DAB1: variants seen among roughly 807,000 people sequenced by gnomAD.
DAB1 encodes the protein DAB adaptor protein 1.
In DAB1, 15 loss-of-function variants were observed where a neutral mutation model predicts 64.6. That is an observed-to-expected ratio of 0.23 (90% CI 0.16 to 0.36). The LOEUF (loss-of-function observed/expected upper bound fraction) is 0.36, where lower values mean the gene tolerates loss of function less well. DAB1 is among the 10% of genes least tolerant of loss of function. The pLI, the probability that DAB1 is intolerant of heterozygous loss-of-function variation, is 1.00. For synonymous variants in DAB1, 235 were observed against 251.9 expected (o/e 0.93, Z 0.64); for missense variants, 596 against 706.7 (o/e 0.84, Z 1.78).
At chr1:57,105,274 T>G (rs1384997069) in intron 4 of DAB1, among the ~76,000 whole-genome samples, 2 of 151,726 alleles carry the variant, frequency 1.3e-5, no homozygotes, top group Non-Finnish European at 2.9e-5. Flanking sequence ...GGTGGGGTGG[T>G]GTGAATTAAT....
chr1:57,805,870 C>T (rs183190199), intron 6 of DAB1, among the ~76,000 whole-genome samples: 142 of 152,292 alleles, frequency 9.3e-4, no homozygotes, highest in Admixed American at 3.1e-3. Context: ...TTCTCACCAA[C>T]TCTGCTGTTG....
chr1:58,088,876 C>A (rs1421997312), intron 5 of DAB1, among the ~76,000 whole-genome samples: 3 of 152,084 alleles, frequency 2.0e-5, no homozygotes, highest in African/African-American at 7.2e-5. Context: ...GCCGCAGCAG[C>A]ACATGGGAGG....
intron 7 of DAB1, among the ~76,000 whole-genome samples, chr1:57,618,491 T>C (rs1477832361): frequency 6.7e-6 from 1 of 150,318 alleles, no homozygotes; most frequent in Non-Finnish European, 1.5e-5. Context: ...TGTCAGTAAG[T>C]GAGAAATAGG....
At chr1:58,024,606 A>G (rs79358321) in intron 5 of DAB1, among the ~76,000 whole-genome samples, 1,705 of 152,336 alleles carry the variant, frequency 0.011, 30 homozygotes, top group African/African-American at 0.039. Context: ...TTATGCTGTT[A>G]TAATGAAGTC....
intron 3 of DAB1, among the ~76,000 whole-genome samples, chr1:58,403,996 C>T (rs1644594721): frequency 6.6e-6 from 1 of 152,146 alleles, no homozygotes; most frequent in South Asian, 2.1e-4. Flanking sequence ...GGAGAAGATT[C>T]CAAGGAACAT....
chr1:57,516,639 T>C (rs1047241579), intron 7 of DAB1, among the ~76,000 whole-genome samples: 1 of 152,226 alleles, frequency 6.6e-6, no homozygotes, highest in Non-Finnish European at 1.5e-5. Context: ...AAGTTCATCA[T>C]AATTTTCCAA....
At chr1:58,236,953 C>T (rs1163489827) in intron 4 of DAB1, among the ~76,000 whole-genome samples, 2 of 152,186 alleles carry the variant, frequency 1.3e-5, no homozygotes, top group Non-Finnish European at 2.9e-5. Context: ...CAAGATCATA[C>T]ATCAAATTGG....
At chr1:57,830,052 C>T (rs1343249501) in intron 1 of DAB1, among the ~76,000 whole-genome samples, 1 of 152,100 alleles carries the variant, frequency 6.6e-6, no homozygotes, top group East Asian at 1.9e-4. Flanking sequence ...TGAGAACTGG[C>T]CAGACAAGGA....
chr1:58,520,076 C>T (rs1646238604), intron 2 of DAB1, among the ~76,000 whole-genome samples: 1 of 152,024 alleles, frequency 6.6e-6, no homozygotes, highest in Non-Finnish European at 1.5e-5. Flanking sequence ...ATGGGAACAA[C>T]AGACACTGGC....
chr1:58,187,752 T>C (rs1342750933), intron 4 of DAB1, among the ~76,000 whole-genome samples: 1 of 151,140 alleles, frequency 6.6e-6, no homozygotes, highest in African/African-American at 2.4e-5. Flanking sequence ...CTAATTTTTG[T>C]ATTTTTAGTA....
At chr1:57,798,097 C>G (rs772410700) in intron 6 of DAB1, among the ~76,000 whole-genome samples, 5 of 152,114 alleles carry the variant, frequency 3.3e-5, no homozygotes, top group Admixed American at 2.6e-4. Flanking sequence ...AAATAGCAGG[C>G]CCAAGTCACT....
chr1:58,409,855 T>G (rs1018579253), intron 3 of DAB1, among the ~76,000 whole-genome samples: 4 of 152,336 alleles, frequency 2.6e-5, no homozygotes, highest in African/African-American at 9.6e-5. Context: ...ACTTTGGAAC[T>G]TTACTTCCTT....
intron 3 of DAB1, chr1:58,467,914 G>C (rs907786866): frequency 7.8e-5 from 12 of 152,964 alleles, no homozygotes; most frequent in African/African-American, 2.9e-4. Context: ...GTGTGTTTTT[G>C]GTTTTTTTGT....
At chr1:58,145,207 G>T (rs928647405) in intron 5 of DAB1, among the ~76,000 whole-genome samples, 5 of 152,236 alleles carry the variant, frequency 3.3e-5, no homozygotes, top group Admixed American at 1.3e-4. Flanking sequence ...TCCTGCCGGA[G>T]GATGCGGGAA....
intron 2 of DAB1, among the ~76,000 whole-genome samples, chr1:57,154,934 T>A (rs1202142129): frequency 6.6e-6 from 1 of 152,216 alleles, no homozygotes; most frequent in Non-Finnish European, 1.5e-5. Context: ...TTATATTTAA[T>A]CCCTTTTCAG....
At chr1:57,620,365 G>C (rs1244566211) in intron 7 of DAB1, among the ~76,000 whole-genome samples, 1 of 152,212 alleles carries the variant, frequency 6.6e-6, no homozygotes, top group Non-Finnish European at 1.5e-5. Context: ...AGGGTTAAAC[G>C]AGAATGATAG....
chr1:57,754,647 G>A (rs946479101), intron 6 of DAB1, among the ~76,000 whole-genome samples: 1 of 150,944 alleles, frequency 6.6e-6, no homozygotes, highest in Admixed American at 6.6e-5. Context: ...CTGAGAGTGT[G>A]CCATTGCACT....
intron 4 of DAB1, among the ~76,000 whole-genome samples, chr1:58,332,837 C>G (rs1039115950): frequency 2.0e-5 from 3 of 152,156 alleles, no homozygotes; most frequent in Non-Finnish European, 2.9e-5. Flanking sequence ...TTCTCTCATA[C>G]TTTCATTCTC....
chr1:57,070,009 G>A (rs1344690834), intron 7 of DAB1, among the ~76,000 whole-genome samples: 2 of 152,206 alleles, frequency 1.3e-5, no homozygotes, highest in Non-Finnish European at 2.9e-5. Context: ...GCAAGCCAGT[G>A]AGCAAGGGGG....
Sources: gnomAD v4.1 joint callset for allele counts (sites outside exome capture counted in the v4.1 genomes callset) on GRCh38, gnomAD v4.1.1 for gene constraint, MANE v1.5 for transcripts, NCBI Gene and HGNC (gene_info 2026-07-23, HGNC 2026-07-21) for gene names.